Variants in SPIN1 observed in about 807,000 individuals in gnomAD.
SPIN1 encodes the protein spindlin 1, also known as spindlin-1.
SPIN1 carries 3 observed loss-of-function variants against 26.0 expected under a neutral mutation model. The ratio of observed to expected loss-of-function variants is 0.12; its 90% CI spans 0.05 to 0.30. SPIN1 has a LOEUF of 0.30. SPIN1 is among the 10% of genes least tolerant of loss of function. SPIN1 has a pLI of 1.00. For synonymous variants in SPIN1, 101 were observed against 116.5 expected, an observed-to-expected ratio of 0.87 and a Z score of 0.86; for missense variants, 126 against 333.4, an observed-to-expected ratio of 0.38 and a Z score of 4.84.
intron 2 of SPIN1, among the ~76,000 whole-genome samples, chr9:88,433,676 C>T (rs929368128): frequency 5.3e-5 from 8 of 152,130 alleles, no homozygotes; most frequent in Admixed American, 4.6e-4. Flanking sequence ...TCTTATTTCT[C>T]TTTTAAGTTT....
chr9:88,405,536 C>CT (rs757565862), intron 1 of SPIN1, among the ~76,000 whole-genome samples: 7,724 of 110,622 alleles, frequency 0.07, 864 homozygotes, highest in African/African-American at 0.24. Context: ...CTGTACTATC[C>CT]TTTTTTTTTT....
At chr9:88,434,033 G>A (rs901400583) in intron 2 of SPIN1, among the ~76,000 whole-genome samples, 7 of 152,116 alleles carry the variant, frequency 4.6e-5, no homozygotes, top group African/African-American at 1.7e-4. Context: ...AGAACTCAAG[G>A]GGAGGAGTGA....
At position 88,412,703 on chromosome 9, in the gene SPIN1, T is replaced by TA. The variant is rs1827475807; in HGVS notation, c.-158-13678dup. Among the ~76,000 whole-genome samples, 5 of 152,126 alleles carry TA rather than the reference T, an allele frequency of 3.3e-5. No homozygotes were observed. In the South Asian group the frequency reaches 8.3e-4, roughly 25 times the overall value. On this transcript the variant is annotated intron_variant, in intron 1 of 5. Transcript: ENST00000375859. ...TCTTTGTCAGTAATTTTTTTTTTTT[T>TA]AGACAGTCTCACTCAGTCACCCAGG...
chr9:88,447,065 A>G (rs540051555), intron 2 of SPIN1, among the ~76,000 whole-genome samples: 6 of 152,096 alleles, frequency 3.9e-5, no homozygotes, highest in African/African-American at 7.2e-5. Context: ...GCCAGTTGAT[A>G]TTGTCCTAAA....
chr9:88,447,845 A>G (rs987800534), intron 2 of SPIN1, among the ~76,000 whole-genome samples: 1 of 152,184 alleles, frequency 6.6e-6, no homozygotes, highest in Non-Finnish European at 1.5e-5. Flanking sequence ...AATTGCTTCC[A>G]GGAATGAGGT....
chr9:88,396,139 C>T (rs1245532661), intron 1 of SPIN1, among the ~76,000 whole-genome samples: 2 of 150,934 alleles, frequency 1.3e-5, no homozygotes, highest in Admixed American at 1.3e-4. Flanking sequence ...ATCCCAGCTA[C>T]TCCTCATGAG....
chr9:88,417,057 A>G (rs1271036615), intron 1 of SPIN1, among the ~76,000 whole-genome samples: 1 of 152,236 alleles, frequency 6.6e-6, no homozygotes, highest in African/African-American at 2.4e-5. Flanking sequence ...TGAAAGTTGC[A>G]TTAAATTGCA....
intron 5 of SPIN1, among the ~76,000 whole-genome samples, chr9:88,470,752 G>C (rs1010970445): frequency 7.9e-5 from 12 of 151,990 alleles, no homozygotes; most frequent in African/African-American, 2.2e-4. Flanking sequence ...GTGCCACCAT[G>C]TCTTCTAATT....
intron 1 of SPIN1, among the ~76,000 whole-genome samples, chr9:88,399,163 C>A (rs7851709): frequency 2.0e-5 from 3 of 151,802 alleles, no homozygotes; most frequent in Admixed American, 1.3e-4. Flanking sequence ...TCCCGAGTAG[C>A]TGGGACTACA....
intron 3 of SPIN1, among the ~76,000 whole-genome samples, chr9:88,454,022 AT>A (rs963735758): frequency 6.6e-6 from 1 of 151,914 alleles, no homozygotes; most frequent in Non-Finnish European, 1.5e-5. Flanking sequence ...CGATTATTTT[AT>A]TTTTTTTCTG....
At chr9:88,443,387 T>C (rs1828180320) in intron 2 of SPIN1, among the ~76,000 whole-genome samples, 1 of 152,186 alleles carries the variant, frequency 6.6e-6, no homozygotes, top group South Asian at 2.1e-4. Flanking sequence ...TCTGTTAAAG[T>C]GTTTATCTGT....
At chr9:88,412,400 A>G (rs1827469212) in intron 1 of SPIN1, among the ~76,000 whole-genome samples, 1 of 152,130 alleles carries the variant, frequency 6.6e-6, no homozygotes, top group Non-Finnish European at 1.5e-5. Context: ...GATTGTTTAA[A>G]TTACCAGTCC....
intron 4 of SPIN1, among the ~76,000 whole-genome samples, chr9:88,465,689 A>T (rs958875086): frequency 6.6e-6 from 1 of 152,056 alleles, no homozygotes. Flanking sequence ...TGTTCTGGAG[A>T]CATGAGTTTT....
At chr9:88,392,075 A>G (rs1587766542) in intron 1 of SPIN1, among the ~76,000 whole-genome samples, 1 of 152,216 alleles carries the variant, frequency 6.6e-6, no homozygotes, top group Admixed American at 6.5e-5. Flanking sequence ...TGAGAATTAC[A>G]TGAAATGGAT....
intron 5 of SPIN1, among the ~76,000 whole-genome samples, chr9:88,474,777 A>G (rs1192882039): frequency 2.6e-5 from 4 of 152,194 alleles, no homozygotes; most frequent in Admixed American, 6.5e-5. Context: ...TATGAAAAAA[A>G]GTTTTATTAT....
chr9:88,437,060 C>T (rs1038330882), intron 2 of SPIN1, among the ~76,000 whole-genome samples: 22 of 151,982 alleles, frequency 1.4e-4, no homozygotes, highest in South Asian at 4.2e-4. Flanking sequence ...CCACCGCGCC[C>T]GGCCTCCTCT....
intron 1 of SPIN1, among the ~76,000 whole-genome samples, chr9:88,417,196 C>G (rs747302147): frequency 5.9e-5 from 9 of 152,000 alleles, no homozygotes; most frequent in Non-Finnish European, 7.4e-5. Flanking sequence ...ATGTTTTTTT[C>G]GTATAAATGT....
intron 3 of SPIN1, among the ~76,000 whole-genome samples, chr9:88,451,583 T>G (rs1044048316): frequency 6.6e-6 from 1 of 152,206 alleles, no homozygotes; most frequent in Non-Finnish European, 1.5e-5. Flanking sequence ...TTTTGAAATA[T>G]GGAGTCTTGC....
intron 2 of SPIN1, among the ~76,000 whole-genome samples, chr9:88,427,896 G>A (rs1213063018): frequency 6.6e-6 from 1 of 152,084 alleles, no homozygotes; most frequent in East Asian, 1.9e-4. Context: ...ACTGCGCCTG[G>A]CCAAAAAATG....
Sources: gnomAD v4.1 joint callset for allele counts (sites outside exome capture counted in the v4.1 genomes callset) on GRCh38, gnomAD v4.1.1 for gene constraint, MANE v1.5 for transcripts, NCBI Gene and HGNC (gene_info 2026-07-23, HGNC 2026-07-21) for gene names.